Variants in TTLL1 observed in about 807,000 individuals in gnomAD.
TTLL1 encodes TTL family tubulin polyglutamylase complex subunit L1.
In TTLL1, 33 loss-of-function variants were observed where a neutral mutation model predicts 47.8. That is an observed-to-expected ratio of 0.69 (90% confidence interval 0.52 to 0.92). The LOEUF (loss-of-function observed/expected upper bound fraction) is 0.92. Among genes scored for constraint, TTLL1 ranks in the 40% least tolerant of loss-of-function variants. The pLI, the probability that TTLL1 is intolerant of heterozygous loss-of-function variation, is 0.00. For missense variants in TTLL1, 488 were observed against 547.5 expected (o/e 0.89, Z 1.08); for synonymous variants, 225 against 214.1 (o/e 1.05, Z -0.45).
At chr22:43,084,783 G>A (rs954051430) in intron 1 of TTLL1, among the ~76,000 whole-genome samples, 6 of 152,074 alleles carry the variant, frequency 3.9e-5, no homozygotes, top group Middle Eastern at 3.4e-3. Flanking sequence ...TTACAGGCAT[G>A]AGCCACTGTG....
rs115595269 is a variant in TTLL1 at position 43,043,309 on chromosome 22, G to A, written c.1142+3101C>T. On this transcript the variant is annotated intron_variant, in intron 10 of 10. Transcript: ENST00000266254. ...CCCTCAAGAAGTCCACAGGCTGGAC[G>A]CGGCAGAGGCTCTACACGCTCCCAA... Among the ~76,000 whole-genome samples the A allele has an allele frequency of 7.7e-3, 1,170 of 152,094 alleles. 16 individuals are homozygous for A. Among genetic ancestry groups the A allele is most frequent in the African/African-American group, 0.027 (1,106 of 41,478 alleles).
intron 9 of TTLL1, 148 bp from the exon 10 acceptor site, chr22:43,046,721 G>A: frequency 2.2e-6 from 2 of 889,968 alleles, no homozygotes; most frequent in Admixed American, 2.7e-5. Flanking sequence ...CCAGGCTGGA[G>A]TGCAGTGGCG....
intron 10 of TTLL1, chr22:43,040,169 T>C (rs898815770): frequency 5.6e-6 from 2 of 354,912 alleles, no homozygotes; most frequent in Non-Finnish European, 1.0e-5. Context: ...GACAGTGGTC[T>C]CCCCTCGGAA....
chr22:43,050,358 G>A (rs537622293), intron 9 of TTLL1, among the ~76,000 whole-genome samples: 1 of 151,690 alleles, frequency 6.6e-6, no homozygotes, highest in Non-Finnish European at 1.5e-5. Context: ...GGAGGTTGCA[G>A]TGAGCCGAGA....
intron 3 of TTLL1, among the ~76,000 whole-genome samples, chr22:43,072,990 A>G (rs917512230): frequency 2.0e-5 from 3 of 151,744 alleles, no homozygotes; most frequent in East Asian, 3.9e-4. Context: ...ATTCAAATAC[A>G]TATGATAAGT....
At chr22:43,070,540 C>T (rs568631747) in intron 3 of TTLL1, among the ~76,000 whole-genome samples, 2 of 152,130 alleles carry the variant, frequency 1.3e-5, no homozygotes, top group African/African-American at 4.8e-5. Flanking sequence ...CTACCCCCAC[C>T]CCACAGCACC....
rs1929375639 is a variant in TTLL1, at chr22:43,088,324, C to CCTTTT, written c.-90+952_-90+953insAAAAG. The stretch of plus-strand genomic sequence containing the variant: ...AATTTGAGGGCAGAGAAGGGCCCAT[C>CCTTTT]TTTTTTTTTTTTTTTTTTTTTTTTT... On this transcript the variant is annotated intron_variant, in intron 1 of 10. Transcript: ENST00000266254. 6.6e-4 allele frequency among the ~76,000 whole-genome samples: 37 copies of CCTTTT among 56,488 alleles called. 2 individuals carry two copies. The highest frequency in any genetic ancestry group is 2.1e-3 in the African/African-American group (29 of 13,660). 37.1% of individuals were successfully genotyped at this position (56,488 alleles called of 152,430 possible).
At chr22:43,052,743 C>T (rs1926727837) in intron 8 of TTLL1, among the ~76,000 whole-genome samples, 1 of 149,230 alleles carries the variant, frequency 6.7e-6, no homozygotes, top group Non-Finnish European at 1.5e-5. Flanking sequence ...AAGAACCTGT[C>T]ACTTAAAAGC....
rs991838164 is a variant in TTLL1, at chr22:43,060,212, G to A, written c.748-685C>T. On this transcript the variant is annotated intron_variant, in intron 7 of 10. Transcript: ENST00000266254. The stretch of plus-strand genomic sequence containing the variant: ...ACAGCACAGGCTGTGGAGTGCTGCC[G>A]GGATACCCTTCAAGACCAAGGCACT... Among the ~76,000 whole-genome samples, 8 of 152,160 alleles carry A rather than the reference G, an allele frequency of 5.3e-5. No homozygotes were observed. The East Asian group carries it at 5.8e-4, about 11-fold the overall frequency.
At chr22:43,044,660 C>G (rs988051284) in intron 10 of TTLL1, among the ~76,000 whole-genome samples, 1 of 152,200 alleles carries the variant, frequency 6.6e-6, no homozygotes, top group African/African-American at 2.4e-5. Context: ...CACTCGACTG[C>G]AGTATCGATG....
At chr22:43,065,290 T>TTA (rs758170333) in intron 5 of TTLL1, among the ~76,000 whole-genome samples, 144 of 151,888 alleles carry the variant, frequency 9.5e-4, no homozygotes, top group Non-Finnish European at 1.8e-3. Flanking sequence ...CAATTTTTAT[T>TTA]TATATATATA....
chr22:43,046,798 T>G (rs1165985499), intron 9 of TTLL1, among the ~76,000 whole-genome samples: 1 of 152,098 alleles, frequency 6.6e-6, no homozygotes, highest in Non-Finnish European at 1.5e-5. Context: ...GCCTCCTGAG[T>G]AGCTGGGACT....
intron 4 of TTLL1, 101 bp from the exon 5 acceptor site, chr22:43,068,691 G>T: frequency 9.3e-7 from 1 of 1,079,934 alleles, no homozygotes; most frequent in Non-Finnish European, 1.2e-6. Flanking sequence ...TGGGCTGAGT[G>T]TCCCCCACCG....
chr22:43,071,505 G>A (rs1039624907), intron 3 of TTLL1, among the ~76,000 whole-genome samples: 3 of 152,130 alleles, frequency 2.0e-5, no homozygotes, highest in African/African-American at 7.2e-5. Context: ...TGCCTCGCAG[G>A]TTCGAGCCAT....
At chr22:43,069,984 T>TGTGGGAGTAGTGGTGAA in intron 3 of TTLL1, 140 bp from the exon 4 acceptor site, 1 of 1,383,312 alleles carries the variant, frequency 7.2e-7, no homozygotes, top group Non-Finnish European at 9.7e-7. Flanking sequence ...AGCCAGGGGT[T>TGTGGGAGTAGTGGTGAA]GCCCGGCCCA....
intron 3 of TTLL1, among the ~76,000 whole-genome samples, chr22:43,071,512 C>G (rs1484454462): frequency 6.6e-6 from 1 of 152,146 alleles, no homozygotes; most frequent in African/African-American, 2.4e-5. Flanking sequence ...CAGGTTCGAG[C>G]CATTCTCCTG....
At position 43,064,238 on chromosome 22, in the gene TTLL1, A is replaced by G; in HGVS notation, c.590T>C (p.Leu197Pro). 1 of 1,614,220 alleles carries G rather than the reference A, an allele frequency of 6.2e-7. No individual in the cohort carries two copies. The highest frequency in any genetic ancestry group is 1.1e-5 in the South Asian group (1 of 91,086). ...PLLIGGRKFD[L>P]RLYVLVSTYR... ...CGTGGACACCAGAACGTACAAGCGCAGGTCGAACTTCCTCCCGCCAATTAG... is the reference window on the plus strand; with the variant it reads ...CGTGGACACCAGAACGTACAAGCGCGGGTCGAACTTCCTCCCGCCAATTAG... The change falls in exon 6 of 11, where the codon CTG becomes CCG. Residue 197 changes from leucine (L) to proline (P), a missense_variant. Leu to Pro is a moderately conservative substitution (Grantham distance 98, BLOSUM62 -3). Coordinates refer to ENST00000266254, the MANE Select transcript of TTLL1 (RefSeq NM_012263.5).
intron 2 of TTLL1, among the ~76,000 whole-genome samples, chr22:43,077,794 A>G (rs1052153939): frequency 6.6e-6 from 1 of 152,094 alleles, no homozygotes; most frequent in Admixed American, 6.6e-5. Flanking sequence ...TGGCCTGTAC[A>G]ATTCACACGT....
intron 4 of TTLL1, 67 bp downstream of exon 4, chr22:43,069,569 G>A (rs138254130): frequency 8.2e-5 from 132 of 1,602,856 alleles, no homozygotes; most frequent in Non-Finnish European, 1.1e-4. Flanking sequence ...CCACCTCAGC[G>A]CCTCGCGCCC....
Sources: gnomAD v4.1 joint callset for allele counts (sites outside exome capture counted in the v4.1 genomes callset) on GRCh38, gnomAD v4.1.1 for gene constraint, MANE v1.5 for transcripts, NCBI Gene and HGNC (gene_info 2026-07-23, HGNC 2026-07-21) for gene names.